ADAMTS6: variants seen among roughly 807,000 people sequenced by gnomAD.
The protein encoded by ADAMTS6 is A disintegrin and metalloproteinase with thrombospondin motifs 6.
ADAMTS6 carries 23 observed loss-of-function variants against 144.3 expected under a neutral mutation model. That is an observed-to-expected ratio of 0.16 (90% CI 0.11 to 0.23). The LOEUF is 0.23. Ranked by LOEUF, ADAMTS6 falls within the 10% of genes least tolerant of loss-of-function variation. The pLI, the probability that ADAMTS6 is intolerant of heterozygous loss-of-function variation, is 1.00. For synonymous variants in ADAMTS6, 444 were observed against 457.5 expected (o/e 0.97, Z 0.38); for missense variants, 999 against 1,379.6 (o/e 0.72, Z 4.37).
At chr5:65,265,343 T>C (rs1353709759) in intron 12 of ADAMTS6, among the ~76,000 whole-genome samples, 1 of 151,958 alleles carries the variant, frequency 6.6e-6, no homozygotes, top group East Asian at 1.9e-4. Flanking sequence ...AAGGAGAAAA[T>C]GTTCCACTTG....
At chr5:65,402,053 C>T (rs202160012) in intron 7 of ADAMTS6, among the ~76,000 whole-genome samples, 2 of 152,208 alleles carry the variant, frequency 1.3e-5, no homozygotes, top group Admixed American at 6.5e-5. Flanking sequence ...TATCTACTTC[C>T]GTAATCATAT....
At chr5:65,197,282 C>G in intron 20 of ADAMTS6, 131 bp from the exon 21 acceptor site, 2 of 800,238 alleles carry the variant, frequency 2.5e-6, no homozygotes, top group South Asian at 9.1e-5. Context: ...CATTGGACTG[C>G]TTCTCTAAAA....
At chr5:65,162,706 TA>T (rs1289384701) in intron 24 of ADAMTS6, among the ~76,000 whole-genome samples, 4 of 151,088 alleles carry the variant, frequency 2.6e-5, no homozygotes, top group African/African-American at 7.3e-5. Context: ...ATAAGACAGA[TA>T]ATATATATAA....
At chr5:65,325,817 C>T (rs750949920) in intron 9 of ADAMTS6, among the ~76,000 whole-genome samples, 1 of 152,074 alleles carries the variant, frequency 6.6e-6, no homozygotes, top group African/African-American at 2.4e-5. Flanking sequence ...TTTAAAAATT[C>T]TCTCAATATT....
chr5:65,210,548 T>C (rs942330414), intron 20 of ADAMTS6: 5 of 499,328 alleles, frequency 1.0e-5, no homozygotes, highest in African/African-American at 9.8e-5. Flanking sequence ...GGTGTCTTTA[T>C]CTGCTATCTG....
intron 23 of ADAMTS6, among the ~76,000 whole-genome samples, 159 bp downstream of exon 23, chr5:65,172,673 C>T (rs531836816): frequency 6.6e-6 from 1 of 152,058 alleles, no homozygotes; most frequent in South Asian, 2.1e-4. Flanking sequence ...CATGTGGTGG[C>T]TGTGGTTTGT....
At position 65,324,908 on chromosome 5, in the gene ADAMTS6, C is replaced by G. The variant is rs188987619; in HGVS notation, c.1223+4470G>C. Among the ~76,000 whole-genome samples the G allele has an allele frequency of 2.4e-4, 36 of 152,058 alleles. No homozygotes were observed. In the East Asian group the frequency reaches 4.4e-3, roughly 19 times the overall value. ...CATAATAGTTCTATTCATAATAGCA[C>G]AAAACTAAAAACAACCAGAAAAGTG... On this transcript the variant is annotated intron_variant, in intron 9 of 24. Transcript: ENST00000381055.
chr5:65,238,098 A>C (rs1299377436), intron 15 of ADAMTS6, among the ~76,000 whole-genome samples: 1 of 151,934 alleles, frequency 6.6e-6, no homozygotes, highest in African/African-American at 2.4e-5. Flanking sequence ...AAAAAAAAAA[A>C]TCTTGGTTTG....
At chr5:65,360,277 C>G (rs555026572) in intron 7 of ADAMTS6, among the ~76,000 whole-genome samples, 1 of 152,170 alleles carries the variant, frequency 6.6e-6, no homozygotes, top group East Asian at 1.9e-4. Flanking sequence ...AACTAGATCT[C>G]GTGAGAACTC....
chr5:65,253,355 G>A (rs1200654478), intron 14 of ADAMTS6, among the ~76,000 whole-genome samples: 1 of 152,068 alleles, frequency 6.6e-6, no homozygotes, highest in Non-Finnish European at 1.5e-5. Context: ...AATTCTTCCA[G>A]GATCATTTGA....
intron 11 of ADAMTS6, among the ~76,000 whole-genome samples, chr5:65,288,303 T>C (rs1561381131): frequency 1.4e-5 from 2 of 145,572 alleles, no homozygotes; most frequent in African/African-American, 2.6e-5. Flanking sequence ...CTTTTTTCTT[T>C]TTTTCTTTTC....
intron 7 of ADAMTS6, among the ~76,000 whole-genome samples, chr5:65,409,005 T>C (rs1754818222): frequency 6.6e-6 from 1 of 152,264 alleles, no homozygotes; most frequent in South Asian, 2.1e-4. Flanking sequence ...AAGCAGTGTG[T>C]AGAGGGAAAT....
chr5:65,343,365 G>A (rs1031713962), intron 7 of ADAMTS6, among the ~76,000 whole-genome samples: 3 of 152,032 alleles, frequency 2.0e-5, no homozygotes, highest in Non-Finnish European at 4.4e-5. Context: ...CAATAGAACA[G>A]AACAGAGAAC....
chr5:65,432,667 T>C (rs914305088), intron 7 of ADAMTS6, among the ~76,000 whole-genome samples: 7 of 152,140 alleles, frequency 4.6e-5, no homozygotes, highest in Admixed American at 4.6e-4. Flanking sequence ...TTTATTAGTT[T>C]TGTTGAGTTT....
chr5:65,165,973 C>T (rs1389448192), intron 24 of ADAMTS6, among the ~76,000 whole-genome samples: 1 of 150,870 alleles, frequency 6.6e-6, no homozygotes, highest in Non-Finnish European at 1.5e-5. Context: ...ACTGCATCAA[C>T]TAATGAACAA....
chr5:65,299,854 G>A, intron 10 of ADAMTS6, 131 bp downstream of exon 10: 1 of 984,244 alleles, frequency 1.0e-6, no homozygotes. Context: ...AAAGTATTTA[G>A]GAAAAAGTTG....
intron 9 of ADAMTS6, among the ~76,000 whole-genome samples, chr5:65,323,273 C>G (rs1745808988): frequency 9.2e-6 from 1 of 109,036 alleles, no homozygotes; most frequent in African/African-American, 3.6e-5. Context: ...CCCCTCCCCC[C>G]ACCCCACAAC....
chr5:65,285,772 ATGT>A (rs993960095), intron 11 of ADAMTS6, among the ~76,000 whole-genome samples: 6 of 152,176 alleles, frequency 3.9e-5, no homozygotes, highest in African/African-American at 1.4e-4. Flanking sequence ...ATATTAAGTA[ATGT>A]TGTTAGAAAA....
chr5:65,292,647 A>ATTCC (rs1742433866), intron 10 of ADAMTS6, among the ~76,000 whole-genome samples: 1 of 152,148 alleles, frequency 6.6e-6, no homozygotes, highest in African/African-American at 2.4e-5. Context: ...GAACCATACT[A>ATTCC]TTCCTACGGT....
Sources: allele counts gnomAD v4.1 joint callset (sites outside exome capture counted in the v4.1 genomes callset), GRCh38; gene constraint gnomAD v4.1.1; transcripts MANE v1.5; gene names NCBI Gene and HGNC (gene_info 2026-07-23, HGNC 2026-07-21).